Variants in IPO5 observed in about 807,000 individuals in gnomAD.
The protein encoded by IPO5 is importin-5.
Under a neutral mutation model 143.3 loss-of-function variants are expected in IPO5, and 18 were observed. The observed-to-expected ratio is 0.13, with a 90% CI of 0.09 to 0.19. The LOEUF is 0.19. Ranked by LOEUF, IPO5 falls within the 10% of genes least tolerant of loss-of-function variation. The pLI is 1.00. For synonymous variants in IPO5, 477 were observed against 465.7 expected (o/e 1.02, Z -0.31); for missense variants, 1,013 against 1,336.9 (o/e 0.76, Z 3.78).
At chr13:97,989,391 C>G (rs1213974366) in intron 7 of IPO5, among the ~76,000 whole-genome samples, 1 of 152,034 alleles carries the variant, frequency 6.6e-6, no homozygotes, top group Non-Finnish European at 1.5e-5. Context: ...TGCTTGCTTT[C>G]TCTTTGTCTT....
intron 2 of IPO5, among the ~76,000 whole-genome samples, chr13:97,962,832 GTAGA>G (rs1413015044): frequency 3.2e-4 from 48 of 151,872 alleles, no homozygotes; most frequent in African/African-American, 1.0e-3. Context: ...AAAAAAAAAG[GTAGA>G]TAGATAGATT....
rs76855856 is a variant in IPO5, at chr13:97,993,375, T to A, written c.913+150T>A. 9.9e-4 allele frequency: 664 copies of A among 672,814 alleles called. 4 individuals carry two copies. In the African/African-American group the frequency reaches 0.011, roughly 11 times the overall value. The allele number at this position is 672,814 out of a possible 1,614,324, so 41.7% of individuals were successfully genotyped here. A position where few individuals can be genotyped will look rare whatever the true frequency, so the allele number is the denominator to read the frequency against. On this transcript the variant is annotated intron_variant, in intron 11 of 28. Coordinates refer to ENST00000651721, the MANE Select transcript of IPO5 (RefSeq NM_002271.6). ...ATTTGGGAAAATGCATCTCAATACA[T>A]GCAAGCGTGGACCCCCACATTGTGG...
At chr13:97,981,587 A>G (rs1209753592) in intron 4 of IPO5, among the ~76,000 whole-genome samples, 1 of 152,246 alleles carries the variant, frequency 6.6e-6, no homozygotes, top group Non-Finnish European at 1.5e-5. Context: ...TAAGCTCTAA[A>G]GAAATCAATG....
intron 20 of IPO5, among the ~76,000 whole-genome samples, chr13:98,011,798 C>T (rs1336021099): frequency 6.6e-6 from 1 of 152,184 alleles, no homozygotes; most frequent in Non-Finnish European, 1.5e-5. Context: ...AGCCACCGTG[C>T]CCAGCCATGA....
At chr13:98,012,801 A>ATTTTTTTTTT (rs59658983) in intron 21 of IPO5, among the ~76,000 whole-genome samples, 19 of 109,158 alleles carry the variant, frequency 1.7e-4, no homozygotes, top group African/African-American at 5.1e-4. Flanking sequence ...GCTAGATTTG[A>ATTTTTTTTTT]TTTTTTTTTT....
chr13:97,984,742 A>G (rs1887185024), intron 5 of IPO5, among the ~76,000 whole-genome samples: 1 of 152,216 alleles, frequency 6.6e-6, no homozygotes, highest in African/African-American at 2.4e-5. Flanking sequence ...AATCGAGAGC[A>G]GGAAAGATTA....
intron 12 of IPO5, among the ~76,000 whole-genome samples, chr13:97,998,362 A>G (rs915253283): frequency 6.6e-6 from 1 of 152,184 alleles, no homozygotes; most frequent in Admixed American, 6.5e-5. Context: ...AATATCTTTT[A>G]AAACGTGTAT....
intron 4 of IPO5, among the ~76,000 whole-genome samples, chr13:97,977,519 G>A (rs1253043467): frequency 6.6e-6 from 1 of 152,226 alleles, no homozygotes; most frequent in Non-Finnish European, 1.5e-5. Flanking sequence ...TAAATGGGAT[G>A]TAGTGGGACT....
Position 98,020,610 on chromosome 13 carries a change from G to T in IPO5, c.3066-382G>T, listed in dbSNP as rs146264337. Among the ~76,000 whole-genome samples the T allele has an allele frequency of 4.0e-3, 610 of 152,246 alleles. 5 individuals are homozygous for T. The highest frequency in any genetic ancestry group is 0.014 in the African/African-American group (572 of 41,532). ...TATCAGGTTTTTTCCCATTAAACTT[G>T]CCTGAGTTTATTTCCCAGTTTATTC... is the stretch of plus-strand genomic sequence containing the variant. On this transcript the variant is annotated intron_variant, in intron 27 of 28. Transcript: ENST00000651721.
intron 6 of IPO5, among the ~76,000 whole-genome samples, chr13:97,986,707 C>A (rs1050581269): frequency 6.6e-6 from 1 of 152,050 alleles, no homozygotes; most frequent in Non-Finnish European, 1.5e-5. Flanking sequence ...AAAAGGCAAA[C>A]ATCATAAAAA....
intron 18 of IPO5, among the ~76,000 whole-genome samples, chr13:98,009,022 A>G (rs1889490668): frequency 6.6e-6 from 1 of 152,248 alleles, no homozygotes; most frequent in South Asian, 2.1e-4. Context: ...CAGGAGGGAT[A>G]CTTAGCAGAC....
chr13:98,013,553 A>G (rs149183783), intron 21 of IPO5, among the ~76,000 whole-genome samples: 2 of 152,300 alleles, frequency 1.3e-5, no homozygotes, highest in East Asian at 3.9e-4. Flanking sequence ...GCCAGAGGAC[A>G]AAGCGGGATT....
intron 21 of IPO5, among the ~76,000 whole-genome samples, chr13:98,013,647 A>C (rs1367123301): frequency 2.0e-5 from 3 of 152,170 alleles, no homozygotes; most frequent in Non-Finnish European, 4.4e-5. Context: ...TAAAAACTGA[A>C]AAGGCCAGCA....
chr13:97,991,197 AATAT>A (rs1227891512), intron 9 of IPO5, among the ~76,000 whole-genome samples: 3 of 152,306 alleles, frequency 2.0e-5, no homozygotes, highest in African/African-American at 7.2e-5. Flanking sequence ...TAAGTAATGT[AATAT>A]ATATGCATAA....
Position 98,002,854 on chromosome 13 carries a change from C to A in IPO5, c.1324-10C>A. On this transcript the variant is annotated splice_polypyrimidine_tract_variant and intron_variant, in intron 15 of 28. Transcript: ENST00000651721. ...TTCAACATGTGTGCCCATTTGGTTT[C>A]ATTTCACAGGTGATTGCAGCTCTGC... is the stretch of plus-strand genomic sequence containing the variant. The A allele has an allele frequency of 1.2e-6, 2 of 1,606,894 alleles. No individual in the cohort carries two copies. The highest frequency in any genetic ancestry group is 1.7e-6 in the Non-Finnish European group (2 of 1,176,908).
intron 7 of IPO5, among the ~76,000 whole-genome samples, chr13:97,989,860 G>A (rs1039948726): frequency 3.3e-5 from 5 of 152,148 alleles, no homozygotes; most frequent in African/African-American, 9.7e-5. Context: ...GTCAGCTTTC[G>A]ACTGAGACAG....
intron 20 of IPO5, among the ~76,000 whole-genome samples, chr13:98,011,998 C>G (rs969006088): frequency 5.9e-5 from 9 of 151,692 alleles, no homozygotes; most frequent in Non-Finnish European, 8.8e-5. Flanking sequence ...TTTGAAGGGA[C>G]AATATATACG....
In IPO5 at chr13:97,976,863, C is replaced by T. The variant is rs575091084; in HGVS notation, c.90+77C>T. ...TTTACCGACGCCAGCCGCACCGGGC[C>T]TCGGCCGGTCCGCGGCGGCCGCGCA... On this transcript the variant is annotated intron_variant, in intron 4 of 28. Coordinates refer to ENST00000651721, the MANE Select transcript of IPO5 (RefSeq NM_002271.6). The T allele has an allele frequency of 3.1e-3, 1,323 of 428,248 alleles. 4 individuals are homozygous for T. Among genetic ancestry groups the T allele is most frequent in the Middle Eastern group, 5.7e-3 (14 of 2,472 alleles). 26.5% of individuals were successfully genotyped at this position (428,248 alleles called of 1,614,324 possible).
chr13:98,022,929 CTGT>C lies in IPO5; in HGVS notation c.*1112_*1114del, dbSNP rs1325564378. ...TAACCTCATAGCAGTAAATGACTTG[CTGT>C]TGTTTAATTTTTCTAAGGCATCTTA... On this transcript the variant is annotated 3_prime_UTR_variant, in exon 29 of 29. Coordinates refer to ENST00000651721, the MANE Select transcript of IPO5 (RefSeq NM_002271.6). 5.6e-4 allele frequency: 86 copies of C among 152,652 alleles called. No individual in the cohort carries two copies. The highest frequency in any genetic ancestry group is 1.9e-3 in the African/African-American group (79 of 41,522). 9.5% of individuals were successfully genotyped at this position (152,652 alleles called of 1,614,324 possible).
Sources: allele counts gnomAD v4.1 joint callset (sites outside exome capture counted in the v4.1 genomes callset), GRCh38; gene constraint gnomAD v4.1.1; transcripts MANE v1.5; gene names NCBI Gene and HGNC (gene_info 2026-07-23, HGNC 2026-07-21).